CAMTA1: variants seen among roughly 807,000 people sequenced by gnomAD.
CAMTA1 encodes calmodulin binding transcription activator 1, also known as calmodulin-binding transcription activator 1.
CAMTA1 carries 27 observed loss-of-function variants against 170.9 expected under a neutral mutation model. The observed-to-expected ratio is 0.16, with a 90% CI of 0.12 to 0.22. The LOEUF (loss-of-function observed/expected upper bound fraction) is 0.22, where lower values mean the gene tolerates loss of function less well. Among genes scored for constraint, CAMTA1 ranks in the 10% least tolerant of loss-of-function variants. The pLI is 1.00. For synonymous variants in CAMTA1, 833 were observed against 891.5 expected (o/e 0.93, Z 1.17); for missense variants, 1,619 against 2,217.2 (o/e 0.73, Z 5.42).
intron 3 of CAMTA1, among the ~76,000 whole-genome samples, chr1:6,900,036 C>T (rs2149199456): frequency 6.6e-6 from 1 of 152,276 alleles, no homozygotes; most frequent in East Asian, 1.9e-4. Flanking sequence ...GTCAACAGCC[C>T]CACTCCCTGC....
In CAMTA1 at chr1:7,738,373, C is replaced by T. The variant is rs757801454; in HGVS notation, c.4073C>T (p.Pro1358Leu). 1.5e-5 allele frequency: 25 copies of T among 1,614,016 alleles called. No homozygotes were observed. Among genetic ancestry groups the T allele is most frequent in the Non-Finnish European group, 2.1e-5 (25 of 1,180,032 alleles). Residue 1358 changes from proline (P) to leucine (L), a missense_variant, in exon 16 of 23, where the codon CCA (proline) becomes CTA (leucine). Pro to Leu is a moderately conservative substitution (Grantham distance 98). Transcript: ENST00000303635. This position sits in a 1 kb window ranked among gnomAD's most constrained non-coding sequence, Gnocchi z 4.9. Reference protein sequence around the residue: ...AAPSQVRPREPMSVLMMANRE... With the variant: ...AAPSQVRPRELMSVLMMANRE... ...CCTTCACAGGTGCGTCCACGGGAAC[C>T]AATGAGTGTCCTGATGATGGCTAAC...
chr1:7,569,237 A>G (rs749231756), intron 6 of CAMTA1, among the ~76,000 whole-genome samples: 3 of 148,206 alleles, frequency 2.0e-5, no homozygotes, highest in African/African-American at 7.7e-5. Context: ...CATCATCACC[A>G]TCATCATCAT....
intron 6 of CAMTA1, among the ~76,000 whole-genome samples, chr1:7,583,872 G>A (rs549640845): frequency 2.6e-5 from 4 of 152,240 alleles, no homozygotes; most frequent in Non-Finnish European, 4.4e-5. Context: ...CTCACCCTAG[G>A]GATCAATAGT....
chr1:7,742,023 A>AG (rs2096822251), intron 16 of CAMTA1, among the ~76,000 whole-genome samples: 1 of 151,584 alleles, frequency 6.6e-6, no homozygotes, highest in Admixed American at 6.6e-5. Flanking sequence ...GAAATGAAAG[A>AG]GAAACAATGA....
At chr1:6,835,211 G>A (rs752324267) in intron 3 of CAMTA1, among the ~76,000 whole-genome samples, 2 of 152,204 alleles carry the variant, frequency 1.3e-5, no homozygotes, top group Non-Finnish European at 2.9e-5. Flanking sequence ...TTTAAGAAAT[G>A]TTAAGGTGCA....
intron 5 of CAMTA1, among the ~76,000 whole-genome samples, chr1:7,329,477 G>A (rs1389640873): frequency 2.0e-5 from 3 of 152,072 alleles, no homozygotes; most frequent in Non-Finnish European, 4.4e-5. Context: ...ATGTCAAATT[G>A]TCTCACCTAT....
intron 3 of CAMTA1, among the ~76,000 whole-genome samples, chr1:6,850,715 C>T (rs1422088348): frequency 6.6e-6 from 1 of 152,104 alleles, no homozygotes; most frequent in Non-Finnish European, 1.5e-5. Context: ...CATTTCTTTC[C>T]CAGAGGAATC....
chr1:7,303,646 T>C (rs569872317), intron 5 of CAMTA1, among the ~76,000 whole-genome samples: 2 of 152,320 alleles, frequency 1.3e-5, no homozygotes, highest in South Asian at 4.2e-4. Context: ...GTCCTAGCCC[T>C]TGTTGACACA....
At chr1:7,174,585 G>T (rs1414330530) in intron 4 of CAMTA1, among the ~76,000 whole-genome samples, 1 of 152,208 alleles carries the variant, frequency 6.6e-6, no homozygotes, top group East Asian at 1.9e-4. Flanking sequence ...CACAGACCAG[G>T]AGCAGAGGCT....
intron 4 of CAMTA1, among the ~76,000 whole-genome samples, chr1:7,225,899 G>T (rs954799552): frequency 6.6e-6 from 1 of 152,112 alleles, no homozygotes; most frequent in Non-Finnish European, 1.5e-5. Context: ...TGCCAGCAGC[G>T]AACCTTTCCG....
chr1:7,204,179 T>A (rs1657254209), intron 4 of CAMTA1, among the ~76,000 whole-genome samples: 1 of 152,114 alleles, frequency 6.6e-6, no homozygotes, highest in Non-Finnish European at 1.5e-5. Context: ...TAACTTCCAC[T>A]GTAATATTTA....
In CAMTA1 at chr1:7,339,472, C is replaced by T. The variant is rs1044082404; in HGVS notation, c.438+89846C>T. On this transcript the variant is annotated intron_variant, in intron 5 of 22. Transcript: ENST00000303635. Reference sequence around the variant, plus strand: ...CCCAGAGTGGCAGGTCTAAGACGCACACCCAGGCATGTCTCCTTCTAAGCC... The same window carrying T: ...CCCAGAGTGGCAGGTCTAAGACGCATACCCAGGCATGTCTCCTTCTAAGCC... Among the ~76,000 whole-genome samples the T allele has an allele frequency of 7.2e-5, 11 of 152,190 alleles. No homozygotes were observed. The East Asian group carries it at 2.1e-3, about 29-fold the overall frequency.
At chr1:6,941,596 T>C (rs1014875344) in intron 3 of CAMTA1, among the ~76,000 whole-genome samples, 1 of 152,184 alleles carries the variant, frequency 6.6e-6, no homozygotes, top group African/African-American at 2.4e-5. Flanking sequence ...ATGAGCAGGT[T>C]AGCGCCGTGG....
At chr1:7,506,533 A>G (rs2094113760) in intron 6 of CAMTA1, among the ~76,000 whole-genome samples, 1 of 151,862 alleles carries the variant, frequency 6.6e-6, no homozygotes, top group Non-Finnish European at 1.5e-5. Context: ...TCTCATACTC[A>G]CCCTTATAAT....
intron 3 of CAMTA1, among the ~76,000 whole-genome samples, chr1:7,053,946 C>T (rs1164516532): frequency 2.0e-5 from 3 of 152,198 alleles, no homozygotes; most frequent in East Asian, 1.9e-4. Context: ...TAGCCTTACC[C>T]ATCCTGGCCT....
In CAMTA1 at chr1:7,063,053, A is replaced by G. The variant is rs1012467755; in HGVS notation, c.235-28251A>G. 2.0e-5 allele frequency among the ~76,000 whole-genome samples: 3 copies of G among 152,152 alleles called. No individual in the cohort carries two copies. Among genetic ancestry groups the G allele is most frequent in the Non-Finnish European group, 4.4e-5 (3 of 68,036 alleles). ...TGGGTACAGGGGTTAGGACTTCAAC[A>G]TATCTTTTTGGGGAACACGGATTCA... On this transcript the variant is annotated intron_variant, in intron 3 of 22. Coordinates refer to ENST00000303635, the MANE Select transcript of CAMTA1 (RefSeq NM_015215.4). The surrounding 1 kb of genome is among the most constrained non-coding windows in gnomAD (Gnocchi z 4.3).
At chr1:7,214,499 G>T (rs6683406) in intron 4 of CAMTA1, among the ~76,000 whole-genome samples, 97,192 of 151,884 alleles carry the variant, frequency 0.64, 31,926 homozygotes, top group African/African-American at 0.79. Flanking sequence ...CCCAAGTAGT[G>T]GGGACTATAG....
intron 16 of CAMTA1, among the ~76,000 whole-genome samples, chr1:7,741,564 A>ATC (rs2096816296): frequency 1.3e-5 from 2 of 151,798 alleles, no homozygotes; most frequent in African/African-American, 4.8e-5. Flanking sequence ...TCTCTCTCAA[A>ATC]AAAAAAAAAA....
At chr1:7,669,362 G>A (rs1382178109) in intron 9 of CAMTA1, among the ~76,000 whole-genome samples, 1 of 152,256 alleles carries the variant, frequency 6.6e-6, no homozygotes, top group African/African-American at 2.4e-5. Flanking sequence ...CACTCCTGCT[G>A]CAGATGCCCT....
Sources: allele counts gnomAD v4.1 joint callset (sites outside exome capture counted in the v4.1 genomes callset), GRCh38; gene constraint gnomAD v4.1.1; non-coding constraint Gnocchi (gnomAD v3.1); transcripts MANE v1.5; gene names NCBI Gene and HGNC (gene_info 2026-07-23, HGNC 2026-07-21).